Variants in ATP6V0D2 observed in about 807,000 individuals in gnomAD.
The protein encoded by ATP6V0D2 is V-type proton ATPase subunit d 2.
Under a neutral mutation model 40.0 loss-of-function variants are expected in ATP6V0D2, and 40 were observed. The observed-to-expected ratio is 1.00, with a 90% confidence interval of 0.78 to 1.30. The LOEUF (loss-of-function observed/expected upper bound fraction) is 1.30. ATP6V0D2 is among the 50% of genes most tolerant of loss of function. The pLI is 0.00. For synonymous variants in ATP6V0D2, 179 were observed against 156.3 expected (o/e 1.15, Z -1.08); for missense variants, 470 against 423.1 (o/e 1.11, Z -0.97).
At chr8:86,138,876 G>A (rs200556860) in intron 2 of ATP6V0D2, among the ~76,000 whole-genome samples, 11 of 152,154 alleles carry the variant, frequency 7.2e-5, no homozygotes, top group Admixed American at 2.0e-4. Context: ...GGCTTCTTCC[G>A]CATATTCCCA....
intron 2 of ATP6V0D2, among the ~76,000 whole-genome samples, chr8:86,131,889 A>G (rs570981501): frequency 5.3e-5 from 8 of 152,340 alleles, no homozygotes; most frequent in African/African-American, 1.4e-4. Flanking sequence ...TGAACATTCT[A>G]TAAGACAGCA....
At chr8:86,114,013 C>A in intron 2 of ATP6V0D2, 133 bp downstream of exon 2, 1 of 826,282 alleles carries the variant, frequency 1.2e-6, no homozygotes, top group Non-Finnish European at 1.7e-6. Context: ...AATTCATTCA[C>A]ATTTTAGCAA....
intron 5 of ATP6V0D2, among the ~76,000 whole-genome samples, chr8:86,145,578 C>G (rs1386961728): frequency 6.6e-6 from 1 of 152,102 alleles, no homozygotes; most frequent in Non-Finnish European, 1.5e-5. Flanking sequence ...CATTTTGAGG[C>G]ATAGTAAATG....
chr8:86,147,277 G>T (rs1819083793), intron 5 of ATP6V0D2, among the ~76,000 whole-genome samples: 1 of 152,122 alleles, frequency 6.6e-6, no homozygotes, highest in Non-Finnish European at 1.5e-5. Context: ...GAGAATGTGT[G>T]ACCCCATCGG....
intron 2 of ATP6V0D2, among the ~76,000 whole-genome samples, chr8:86,127,640 T>G (rs146762011): frequency 2.0e-5 from 3 of 152,168 alleles, no homozygotes; most frequent in African/African-American, 7.2e-5. Context: ...CCCAGGCTGG[T>G]CTCAAACTCC....
At chr8:86,146,286 C>A (rs1819066789) in intron 5 of ATP6V0D2, among the ~76,000 whole-genome samples, 1 of 152,086 alleles carries the variant, frequency 6.6e-6, no homozygotes. Flanking sequence ...CATAAAAATG[C>A]TTATCACTGG....
Position 86,141,435 on chromosome 8 carries a change from A to T in ATP6V0D2, c.482-15A>T. The T allele has an allele frequency of 6.2e-7, 1 of 1,603,846 alleles. No individual in the cohort carries two copies. The highest frequency in any genetic ancestry group is 1.1e-5 in the South Asian group (1 of 90,032). On this transcript the variant is annotated splice_polypyrimidine_tract_variant and intron_variant, in intron 3 of 7. Coordinates refer to ENST00000285393, the MANE Select transcript of ATP6V0D2 (RefSeq NM_152565.1). ...CTTAAGATTCATTTTTTGGTATGGCAATTTCTGCTTTCAGCTCCATTCTTC... is the reference window on the plus strand; with the variant it reads ...CTTAAGATTCATTTTTTGGTATGGCTATTTCTGCTTTCAGCTCCATTCTTC...
At chr8:86,104,850 T>TACACACACACACACACACACACAC (rs146266622) in intron 1 of ATP6V0D2, among the ~76,000 whole-genome samples, 10 of 146,078 alleles carry the variant, frequency 6.8e-5, no homozygotes, top group South Asian at 2.3e-4. Flanking sequence ...TTAAAACACA[T>TACACACACACACACACACACACAC]ACACACACAC....
Position 86,142,935 on chromosome 8 carries a change from T to A in ATP6V0D2, c.620T>A (p.Val207Asp). Residue 207 changes from valine (V) to aspartate (D), a missense_variant, in exon 5 of 8, where the codon GTT becomes GAT. Transcript: ENST00000285393. ...CKNHGDVTAE[V>D]MCPILEFEAD... is the part of the protein sequence containing the mutation. ...AATCATGGTGATGTCACAGCAGAAG[T>A]TATGTGTCCCATTCTTGAGGTAAGA... 6.2e-7 allele frequency: 1 copy of A among 1,610,226 alleles called. No homozygotes were observed.
At chr8:86,101,322 T>G (rs1818394278) in intron 1 of ATP6V0D2, among the ~76,000 whole-genome samples, 2 of 151,486 alleles carry the variant, frequency 1.3e-5, no homozygotes, top group Admixed American at 1.3e-4. Flanking sequence ...TGGCTGGGCA[T>G]GGTGGTGCAT....
chr8:86,153,161 G>A lies in ATP6V0D2; in HGVS notation c.*184G>A, dbSNP rs1426495867. The A allele has an allele frequency of 4.4e-6, 2 of 450,576 alleles. No homozygotes were observed. Among genetic ancestry groups the A allele is most frequent in the African/African-American group, 4.1e-5 (2 of 48,722 alleles). 27.9% of individuals were successfully genotyped at this position (450,576 alleles called of 1,614,324 possible). ...GAAACAAAGCATTTCCTTGTTTTCA[G>A]TGGTATTAGATCTTGTTTCCACATG... On this transcript the variant is annotated 3_prime_UTR_variant, in exon 8 of 8. Transcript: ENST00000285393.
intron 2 of ATP6V0D2, among the ~76,000 whole-genome samples, chr8:86,133,377 C>G (rs949830814): frequency 1.5e-5 from 2 of 129,350 alleles, no homozygotes; most frequent in African/African-American, 6.1e-5. Context: ...GGCTGGAGTG[C>G]AGTGGCACCA....
At chr8:86,138,471 T>C (rs967956571) in intron 2 of ATP6V0D2, among the ~76,000 whole-genome samples, 12 of 152,204 alleles carry the variant, frequency 7.9e-5, no homozygotes, top group Non-Finnish European at 1.6e-4. Flanking sequence ...ACCTCATTGC[T>C]TGTAATATCT....
intron 5 of ATP6V0D2, among the ~76,000 whole-genome samples, chr8:86,149,242 G>C (rs1234613249): frequency 6.6e-6 from 1 of 151,920 alleles, no homozygotes; most frequent in Non-Finnish European, 1.5e-5. Context: ...AGGCAGAGGA[G>C]CCCCTAAAGG....
In ATP6V0D2 at chr8:86,139,610, T is replaced by C. The variant is rs1028646161; in HGVS notation, c.456T>C (p.Asn152=). ...NIAETPSDLF[N]AILIETPLAP... ...CAGAGACACCTTCAGATCTCTTTAA[T>C]GCCATTCTGATCGAAACGCCATTAG... The change falls in exon 3 of 8, where the codon AAT becomes AAC. Residue 152 remains asparagine, a synonymous_variant. Coordinates refer to ENST00000285393, the MANE Select transcript of ATP6V0D2 (RefSeq NM_152565.1). 2 of 1,605,714 alleles carry C rather than the reference T, an allele frequency of 1.2e-6. No individual in the cohort carries two copies. The highest frequency in any genetic ancestry group is 2.2e-5 in the South Asian group (2 of 89,594).
At chr8:86,152,701 T>C in intron 7 of ATP6V0D2, 115 bp from the exon 8 acceptor site, 1 of 992,900 alleles carries the variant, frequency 1.0e-6, no homozygotes, top group South Asian at 2.4e-5. Flanking sequence ...ATTTAGAGAT[T>C]GCCTGTTTAA....
Position 86,152,819 on chromosome 8 carries a change from C to G in ATP6V0D2, c.895C>G (p.Gln299Glu), listed in dbSNP as rs1325205033. ...GTTACTTTTTTTCTTTCCTCAGGTA[C>G]AAATGAATGTGCTGGCATTCAACAG... ...LEDVFYEREV[Q>E]MNVLAFNRQF... Residue 299 changes from glutamine (Q) to glutamate (E), a missense_variant, in exon 8 of 8, where the codon CAA becomes GAA. Gln to Glu is a conservative substitution (Grantham distance 29, BLOSUM62 2). Transcript: ENST00000285393. The G allele has an allele frequency of 6.3e-7, 1 of 1,591,288 alleles. No individual in the cohort carries two copies. Among genetic ancestry groups the G allele is most frequent in the East Asian group, 2.3e-5 (1 of 44,270 alleles).
At chr8:86,123,582 TGAGA>T (rs1428067566) in intron 2 of ATP6V0D2, among the ~76,000 whole-genome samples, 2 of 152,148 alleles carry the variant, frequency 1.3e-5, no homozygotes, top group African/African-American at 4.8e-5. Context: ...TAGATTCATT[TGAGA>T]GAGAGATTTA....
chr8:86,133,388 T>C (rs1045855599), intron 2 of ATP6V0D2, among the ~76,000 whole-genome samples: 2 of 134,474 alleles, frequency 1.5e-5, no homozygotes, highest in African/African-American at 5.6e-5. Flanking sequence ...AGTGGCACCA[T>C]CTCGGCTCAC....
Sources: gnomAD v4.1 joint callset for allele counts (sites outside exome capture counted in the v4.1 genomes callset) on GRCh38, gnomAD v4.1.1 for gene constraint, MANE v1.5 for transcripts, NCBI Gene and HGNC (gene_info 2026-07-23, HGNC 2026-07-21) for gene names.